The following MCC variants were observed in gnomAD, a reference collection of about 807,000 sequenced individuals.
The protein encoded by MCC is colorectal mutant cancer protein.
A neutral mutation model predicts 116.2 loss-of-function variants in MCC; 90 were observed. The ratio of observed to expected loss-of-function variants is 0.77; its 90% CI spans 0.65 to 0.92. The LOEUF (loss-of-function observed/expected upper bound fraction) is 0.92, where lower values mean the gene tolerates loss of function less well. Among genes scored for constraint, MCC ranks in the 40% least tolerant of loss-of-function variants. The pLI is 0.00. For missense variants in MCC, 1,516 were observed against 1,312.2 expected, an observed-to-expected ratio of 1.16 and a Z score of -2.40; for synonymous variants, 578 against 510.5, an observed-to-expected ratio of 1.13 and a Z score of -1.78.
intron 3 of MCC, among the ~76,000 whole-genome samples, chr5:113,170,889 G>C (rs920446613): frequency 6.6e-6 from 1 of 152,048 alleles, no homozygotes; most frequent in Admixed American, 6.6e-5. Context: ...CAGATGGCTG[G>C]CAATACCTTT....
chr5:113,472,872 G>T (rs1772130812), intron 1 of MCC, among the ~76,000 whole-genome samples: 1 of 152,152 alleles, frequency 6.6e-6, no homozygotes, highest in Non-Finnish European at 1.5e-5. Context: ...AAATCAAAAT[G>T]CTATTTGGGA....
intron 1 of MCC, among the ~76,000 whole-genome samples, chr5:113,487,558 G>A (rs1236480428): frequency 1.3e-5 from 2 of 152,266 alleles, no homozygotes; most frequent in Non-Finnish European, 2.9e-5. Flanking sequence ...TGTGAGTGGA[G>A]GCGCGGAGGC....
chr5:113,043,719 G>A (rs1751884556), intron 16 of MCC, 89 bp from the exon 17 acceptor site: 1 of 850,808 alleles, frequency 1.2e-6, no homozygotes, highest in African/African-American at 1.7e-5. Flanking sequence ...GGTGGCTCGT[G>A]CAGTGATGGC....
rs140698082 is a variant in MCC, at chr5:113,449,784, C to T, written c.170+38461G>A. Among the ~76,000 whole-genome samples, 310 of 152,242 alleles carry T rather than the reference C, an allele frequency of 2.0e-3. 7 individuals carry two copies. The East Asian group carries it at 0.053, about 26-fold the overall frequency. ...AAAAATAGGCATGAATTTATCTCTT[C>T]GGGCACATTTGTCTAAACTGATCTT... is the stretch of plus-strand genomic sequence containing the variant. On this transcript the variant is annotated intron_variant, in intron 1 of 18. Coordinates refer to ENST00000408903, the MANE Select transcript of MCC (RefSeq NM_001085377.2).
At chr5:113,192,214 T>C (rs1389143179) in intron 3 of MCC, among the ~76,000 whole-genome samples, 1 of 152,154 alleles carries the variant, frequency 6.6e-6, no homozygotes, top group Non-Finnish European at 1.5e-5. Flanking sequence ...CCAAAGACAA[T>C]ACCTGAAATG....
At chr5:113,079,924 T>A (rs1581009902) in intron 11 of MCC, among the ~76,000 whole-genome samples, 1 of 152,306 alleles carries the variant, frequency 6.6e-6, no homozygotes, top group East Asian at 1.9e-4. Context: ...AAAGGGCTAA[T>A]ATCCAGAATC....
chr5:113,099,164 T>C (rs1756238719), intron 8 of MCC, among the ~76,000 whole-genome samples: 1 of 152,364 alleles, frequency 6.6e-6, no homozygotes, highest in Admixed American at 6.5e-5. Flanking sequence ...ATCCAATTCA[T>C]GGTATGTATA....
intron 3 of MCC, among the ~76,000 whole-genome samples, chr5:113,196,165 G>A (rs372090577): frequency 3.3e-5 from 5 of 152,240 alleles, no homozygotes; most frequent in African/African-American, 7.2e-5. Context: ...GTGAGATACC[G>A]TAAGTAATGG....
chr5:113,298,046 G>A (rs960199861), intron 3 of MCC, among the ~76,000 whole-genome samples: 1 of 152,150 alleles, frequency 6.6e-6, no homozygotes. Flanking sequence ...AGTCAGGGTT[G>A]AGCTGGAGAT....
At position 113,072,546 on chromosome 5, in the gene MCC, C is replaced by A. The variant is rs144583439; in HGVS notation, c.1785-1312G>T. Among the ~76,000 whole-genome samples, 510 of 152,342 alleles carry A rather than the reference C, an allele frequency of 3.3e-3. 3 individuals are homozygous for A. Among genetic ancestry groups the A allele is most frequent in the African/African-American group, 0.012 (494 of 41,574 alleles). ...CCTTCTCAGACAACACCCCACTGAT[C>A]TGTTACTCTTTCCTTCTTAAAGAGC... On this transcript the variant is annotated intron_variant, in intron 11 of 18. Transcript: ENST00000408903.
At chr5:113,271,969 G>A (rs1353916764) in intron 3 of MCC, among the ~76,000 whole-genome samples, 1 of 152,118 alleles carries the variant, frequency 6.6e-6, no homozygotes, top group African/African-American at 2.4e-5. Flanking sequence ...TGAGACAGTT[G>A]ACCATCCTTA....
chr5:113,293,945 C>T (rs952950446), intron 3 of MCC, among the ~76,000 whole-genome samples: 6 of 152,070 alleles, frequency 3.9e-5, no homozygotes, highest in Admixed American at 3.3e-4. Flanking sequence ...AAATTAGTTA[C>T]CGTCGGCTTA....
At chr5:113,202,802 A>AC (rs1450615097) in intron 3 of MCC, among the ~76,000 whole-genome samples, 10 of 151,228 alleles carry the variant, frequency 6.6e-5, no homozygotes, top group Admixed American at 1.3e-4. Flanking sequence ...AAAAAAAAAA[A>AC]AACTTTTTCT....
chr5:113,380,559 G>T lies in MCC; in HGVS notation c.415+4409C>A, dbSNP rs527794670. On this transcript the variant is annotated intron_variant, in intron 2 of 18. Coordinates refer to ENST00000408903, the MANE Select transcript of MCC (RefSeq NM_001085377.2). ...TGCACCAAGCATCTTCCCTGTGCCA[G>T]GCACTATTCTAAGTGCTGGAGTATA... Among the ~76,000 whole-genome samples the T allele has an allele frequency of 2.0e-5, 3 of 152,252 alleles. No individual in the cohort carries two copies. In the East Asian group the frequency reaches 5.8e-4, roughly 29 times the overall value.
At chr5:113,034,516 G>T (rs922690124) in intron 17 of MCC, among the ~76,000 whole-genome samples, 1 of 152,242 alleles carries the variant, frequency 6.6e-6, no homozygotes, top group African/African-American at 2.4e-5. Context: ...CAGTCTCAAT[G>T]AGGCTGTGAG....
rs144186437 is a variant in MCC at position 113,304,376 on chromosome 5, A to G, written c.627+36143T>C. On this transcript the variant is annotated intron_variant, in intron 3 of 18. Coordinates refer to ENST00000408903, the MANE Select transcript of MCC (RefSeq NM_001085377.2). ...ACAAACAAAAACCCAACCTTCTCCA[A>G]CTGCAAATATAACTCAAGCAAAGAA... Among the ~76,000 whole-genome samples the G allele has an allele frequency of 4.1e-3, 624 of 152,248 alleles. 5 individuals are homozygous for G. Among genetic ancestry groups the G allele is most frequent in the African/African-American group, 0.014 (577 of 41,534 alleles).
At chr5:113,380,499 CTCATTCAT>C (rs113806132) in intron 2 of MCC, among the ~76,000 whole-genome samples, 9 of 151,232 alleles carry the variant, frequency 6.0e-5, no homozygotes, top group Non-Finnish European at 1.0e-4. Flanking sequence ...CAGTGCATTG[CTCATTCAT>C]TCATTCATTC....
chr5:113,271,436 C>T (rs1418498402), intron 3 of MCC, among the ~76,000 whole-genome samples: 1 of 152,128 alleles, frequency 6.6e-6, no homozygotes, highest in Admixed American at 6.5e-5. Context: ...GAAGAAGGTT[C>T]CTTATGATCA....
At chr5:113,483,838 T>C (rs1470773299) in intron 1 of MCC, among the ~76,000 whole-genome samples, 1 of 152,128 alleles carries the variant, frequency 6.6e-6, no homozygotes, top group African/African-American at 2.4e-5. Flanking sequence ...GTGGTATGTA[T>C]ATGCCATGTG....
Sources: allele counts gnomAD v4.1 joint callset (sites outside exome capture counted in the v4.1 genomes callset), GRCh38; gene constraint gnomAD v4.1.1; transcripts MANE v1.5; gene names NCBI Gene and HGNC (gene_info 2026-07-23, HGNC 2026-07-21).